The following RASSF3 variants were observed in gnomAD, a reference collection of about 807,000 sequenced individuals.
The protein encoded by RASSF3 is Ras association domain family member 3.
A neutral mutation model predicts 19.9 loss-of-function variants in RASSF3; 19 were observed. The observed-to-expected ratio is 0.96, with a 90% CI of 0.67 to 1.40. RASSF3 has a LOEUF of 1.40. RASSF3 is among the 40% of genes most tolerant of loss of function. The probability of loss-of-function intolerance (pLI) is 0.00; values close to 1 mark genes in which losing one functional copy is unlikely to be tolerated. For synonymous variants in RASSF3, 110 were observed against 104.2 expected, an observed-to-expected ratio of 1.06 and a Z score of -0.34; for missense variants, 306 against 289.8, an observed-to-expected ratio of 1.06 and a Z score of -0.41.
At chr12:64,591,984 C>T (rs1869933586) in intron 2 of RASSF3, among the ~76,000 whole-genome samples, 1 of 151,960 alleles carries the variant, frequency 6.6e-6, no homozygotes, top group Non-Finnish European at 1.5e-5. Flanking sequence ...TCATTGCAAC[C>T]TCTGCTTCCC....
chr12:64,658,906 A>G lies in RASSF3; in HGVS notation c.112-25881A>G, dbSNP rs117624002. 2.7e-3 allele frequency among the ~76,000 whole-genome samples: 414 copies of G among 152,330 alleles called. 3 individuals are homozygous for G. Among genetic ancestry groups the G allele is most frequent in the East Asian group, 0.021 (110 of 5,190 alleles). On this transcript the variant is annotated intron_variant, in intron 1 of 4. Coordinates refer to ENST00000542104, the MANE Select transcript of RASSF3 (RefSeq NM_178169.4). ...GCAACATAGCGAGACCCCTGTCTCT[A>G]CAGAAAATAAAAAATTAGCCAGGTG...
chr12:64,629,334 C>T (rs1871094975), intron 1 of RASSF3, among the ~76,000 whole-genome samples: 1 of 151,712 alleles, frequency 6.6e-6, no homozygotes, highest in African/African-American at 2.4e-5. Flanking sequence ...TCTCAAACAC[C>T]TGGGCTCAAG....
intron 1 of RASSF3, among the ~76,000 whole-genome samples, chr12:64,672,953 TGA>T (rs1296531003): frequency 1.3e-5 from 2 of 152,172 alleles, no homozygotes; most frequent in African/African-American, 4.8e-5. Flanking sequence ...TGGAGCCGGC[TGA>T]GTTTCCCAGA....
chr12:64,622,555 A>G, intron 1 of RASSF3: 1 of 518,176 alleles, frequency 1.9e-6, no homozygotes, highest in Non-Finnish European at 3.9e-6. Context: ...GGTTTTTGCC[A>G]TTACTTTCAG....
chr12:64,691,507 C>G lies in RASSF3; in HGVS notation c.495C>G (p.Leu165=). Residue 165 remains leucine (L), a synonymous_variant, in exon 4 of 5, where the codon CTC becomes CTG. Transcript: ENST00000542104. The part of the protein sequence containing the change: ...ACKLSDREHP[L]YLRLVAGPRT... ...AGCTCTCAGACCGGGAACATCCACT[C>G]TACCTGCGTTTGGTAGCAGGGCCCA... is the stretch of plus-strand genomic sequence containing the variant. 1 of 1,614,096 alleles carries G rather than the reference C, an allele frequency of 6.2e-7. No individual in the cohort carries two copies. Among genetic ancestry groups the G allele is most frequent in the Middle Eastern group, 1.6e-4 (1 of 6,062 alleles).
intron 1 of RASSF3, among the ~76,000 whole-genome samples, chr12:64,535,976 C>T (rs1047726571): frequency 1.5e-4 from 23 of 150,058 alleles, no homozygotes; most frequent in Non-Finnish European, 7.4e-5. Flanking sequence ...TGTGAACCAC[C>T]GCACCCAGCC....
intron 1 of RASSF3, among the ~76,000 whole-genome samples, chr12:64,631,427 TG>T (rs1450126259): frequency 6.6e-6 from 1 of 151,104 alleles, no homozygotes; most frequent in Non-Finnish European, 1.5e-5. Context: ...AGCAGGAGAG[TG>T]AGTAGAGGTG....
downstream of RASSF3, chr12:64,541,792 G>T: frequency 2.5e-6 from 1 of 396,854 alleles, no homozygotes; most frequent in Non-Finnish European, 4.4e-6. Flanking sequence ...TATCTCCATG[G>T]CTTACGTATG....
At chr12:64,610,142 C>T (rs1565848703), upstream of RASSF3, among the ~76,000 whole-genome samples, 2 of 152,128 alleles carry the variant, frequency 1.3e-5, no homozygotes, top group African/African-American at 4.8e-5. Flanking sequence ...GCTCTGCTCC[C>T]GCCCTCTCCG....
intron 1 of RASSF3, among the ~76,000 whole-genome samples, chr12:64,612,828 T>C (rs964855938): frequency 1.3e-5 from 2 of 152,200 alleles, no homozygotes; most frequent in Non-Finnish European, 2.9e-5. Flanking sequence ...CTAGCATATA[T>C]ATTATACTCA....
intron 4 of RASSF3, among the ~76,000 whole-genome samples, chr12:64,693,054 T>C (rs1369881681): frequency 1.3e-5 from 2 of 152,176 alleles, no homozygotes; most frequent in Admixed American, 1.3e-4. Context: ...TTTTGGAGAC[T>C]TCAACATAGG....
chr12:64,544,824 C>T (rs1463228359), downstream of RASSF3, among the ~76,000 whole-genome samples: 1 of 152,200 alleles, frequency 6.6e-6, no homozygotes, highest in African/African-American at 2.4e-5. Context: ...CTGACCAATG[C>T]TGAGTACAAA....
chr12:64,576,956 A>G (rs1011775087), intron 2 of RASSF3, among the ~76,000 whole-genome samples: 2 of 152,134 alleles, frequency 1.3e-5, no homozygotes, highest in Non-Finnish European at 2.9e-5. Context: ...AATAACAACT[A>G]TGGAAAATAT....
At chr12:64,606,031 CCA>C, upstream of RASSF3, among the ~76,000 whole-genome samples, 1 of 152,202 alleles carries the variant, frequency 6.6e-6, no homozygotes, top group Non-Finnish European at 1.5e-5. Context: ...TCTATTTTGT[CCA>C]CAATATGGCT....
chr12:64,670,105 A>G (rs759074692), intron 1 of RASSF3, among the ~76,000 whole-genome samples: 1 of 151,906 alleles, frequency 6.6e-6, no homozygotes, highest in South Asian at 2.1e-4. Flanking sequence ...GAGGGAGCTC[A>G]GGTTCGCTCT....
intron 1 of RASSF3, among the ~76,000 whole-genome samples, chr12:64,516,590 G>A (rs1868370608): frequency 6.9e-6 from 1 of 145,042 alleles, no homozygotes; most frequent in South Asian, 2.2e-4. Context: ...CTGCACTCCA[G>A]CCTGGGCGAC....
intron 2 of RASSF3, among the ~76,000 whole-genome samples, chr12:64,560,792 G>A (rs1869333884): frequency 6.6e-6 from 1 of 152,188 alleles, no homozygotes; most frequent in South Asian, 2.1e-4. Context: ...GCGGGATAAA[G>A]GAGAGGAGCC....
chr12:64,509,162 C>G (rs552531706), intron 1 of RASSF3, among the ~76,000 whole-genome samples: 1 of 151,956 alleles, frequency 6.6e-6, no homozygotes, highest in Non-Finnish European at 1.5e-5. Context: ...TAAAGATAAG[C>G]AAAAAGGCCA....
rs183825009 is a variant in RASSF3, at chr12:64,674,106, A to T, written c.112-10681A>T. 1.5e-3 allele frequency among the ~76,000 whole-genome samples: 233 copies of T among 152,250 alleles called. 2 individuals carry two copies. The highest frequency in any genetic ancestry group is 2.7e-3 in the Non-Finnish European group (181 of 68,018). On this transcript the variant is annotated intron_variant, in intron 1 of 4. Coordinates refer to ENST00000542104, the MANE Select transcript of RASSF3 (RefSeq NM_178169.4). ...GGCCTGTTCCTGCTTTCGCTGCCCC[A>T]GGTGTGTGAGAGTATTTAGGGGGCA...
Sources: gnomAD v4.1 joint callset for allele counts (sites outside exome capture counted in the v4.1 genomes callset) on GRCh38, gnomAD v4.1.1 for gene constraint, MANE v1.5 for transcripts, NCBI Gene and HGNC (gene_info 2026-07-23, HGNC 2026-07-21) for gene names.